CDK5RAP2: variants seen among roughly 807,000 people sequenced by gnomAD.
CDK5RAP2 encodes CDK5 regulatory subunit associated protein 2.
In CDK5RAP2, 147 loss-of-function variants were observed where a neutral mutation model predicts 232.9. That is an observed-to-expected ratio of 0.63 (90% CI 0.55 to 0.72). CDK5RAP2 has a LOEUF of 0.72. Among genes scored for constraint, CDK5RAP2 ranks in the 30% least tolerant of loss-of-function variants. The pLI is 0.00. For missense variants in CDK5RAP2, 2,195 were observed against 2,231.5 expected, an observed-to-expected ratio of 0.98 and a Z score of 0.33; for synonymous variants, 833 against 833.7, an observed-to-expected ratio of 1.00 and a Z score of 0.01.
chr9:120,546,133 T>C (rs1421206060), intron 4 of CDK5RAP2, among the ~76,000 whole-genome samples: 3 of 152,230 alleles, frequency 2.0e-5, no homozygotes, highest in African/African-American at 7.2e-5. Flanking sequence ...TTACAAGCAA[T>C]TCTGCGGTGT....
chr9:120,472,817 G>A (rs2037791950), intron 15 of CDK5RAP2, among the ~76,000 whole-genome samples: 2 of 152,212 alleles, frequency 1.3e-5, no homozygotes, highest in Admixed American at 1.3e-4. Flanking sequence ...TGATGGAAAT[G>A]TTCTATATCT....
chr9:120,552,582 C>T (rs886932626), intron 3 of CDK5RAP2, among the ~76,000 whole-genome samples: 13 of 151,312 alleles, frequency 8.6e-5, no homozygotes, highest in African/African-American at 2.9e-4. Context: ...TCTCAGCAAA[C>T]TATCGCAAGG....
intron 14 of CDK5RAP2, among the ~76,000 whole-genome samples, chr9:120,478,344 A>G (rs1432812709): frequency 6.6e-6 from 1 of 152,244 alleles, no homozygotes; most frequent in African/African-American, 2.4e-5. Flanking sequence ...AAAATGAGGA[A>G]GTGCTTATAG....
rs1265171655 is a variant in CDK5RAP2 at position 120,518,663 on chromosome 9, G to C, written c.1093-18C>G. The C allele has an allele frequency of 6.2e-7, 1 of 1,601,036 alleles. No homozygotes were observed. The highest frequency in any genetic ancestry group is 8.6e-7 in the Non-Finnish European group (1 of 1,168,450). On this transcript the variant is annotated intron_variant, in intron 11 of 37. Coordinates refer to ENST00000349780, the MANE Select transcript of CDK5RAP2 (RefSeq NM_018249.6). Reference sequence around the variant, plus strand: ...TCAGACCCCTAGAAGAGAAGGCAGAGAAGCAAGATGAGCTAATTTTCATAC... The same window carrying C: ...TCAGACCCCTAGAAGAGAAGGCAGACAAGCAAGATGAGCTAATTTTCATAC...
intron 23 of CDK5RAP2, among the ~76,000 whole-genome samples, chr9:120,442,057 T>C (rs1380287086): frequency 6.6e-6 from 1 of 152,212 alleles, no homozygotes; most frequent in Admixed American, 6.5e-5. Flanking sequence ...GAATTTGGTC[T>C]GTACTTCATG....
In CDK5RAP2 at chr9:120,520,647, A is replaced by AAT. The variant is rs200559827; in HGVS notation, c.1093-2004_1093-2003dup. On this transcript the variant is annotated intron_variant, in intron 11 of 37. Transcript: ENST00000349780. Reference sequence around the variant, plus strand: ...GACAGAGCAAGACTCTGTCTCAAAAAATATATATATATCTCTCTCTCATAT... The same window carrying AAT: ...GACAGAGCAAGACTCTGTCTCAAAAAATATATATATATATCTCTCTCTCATAT... Among the ~76,000 whole-genome samples, 441 of 152,056 alleles carry AAT rather than the reference A, an allele frequency of 2.9e-3. 1 individual carries two copies. Among genetic ancestry groups the AAT allele is most frequent in the East Asian group, 0.01 (54 of 5,176 alleles).
At chr9:120,401,917 G>T (rs2033052450) in intron 34 of CDK5RAP2, among the ~76,000 whole-genome samples, 1 of 151,982 alleles carries the variant, frequency 6.6e-6, no homozygotes, top group Admixed American at 6.6e-5. Flanking sequence ...CCAAGAGGAG[G>T]AGGCTGCAGT....
intron 12 of CDK5RAP2, among the ~76,000 whole-genome samples, chr9:120,511,590 C>CA (rs1281387737): frequency 6.6e-6 from 1 of 152,174 alleles, no homozygotes; most frequent in Non-Finnish European, 1.5e-5. Flanking sequence ...TCAGTGCCAG[C>CA]AAAAGCTGTC....
Position 120,458,570 on chromosome 9 carries a change from G to C in CDK5RAP2, c.2255C>G (p.Thr752Arg). Residue 752 changes from threonine (T) to arginine (R), a missense_variant, in exon 20 of 38, where the codon ACG becomes AGG. Physicochemically the swap from Thr to Arg is moderately conservative, Grantham distance 71 (BLOSUM62 -1). Transcript: ENST00000349780. ...ATCACAATCTGAAATCTTAGACTCCGTGTGCCTTAAGTATCCATTTTTGCA... is the reference window on the plus strand; with the variant it reads ...ATCACAATCTGAAATCTTAGACTCCCTGTGCCTTAAGTATCCATTTTTGCA... ...GGCKNGYLRH[T>R]ESKISDCDGA... The C allele has an allele frequency of 1.2e-6, 2 of 1,614,100 alleles. No individual in the cohort carries two copies. Among genetic ancestry groups the C allele is most frequent in the South Asian group, 1.1e-5 (1 of 91,086 alleles).
chr9:120,497,456 AATC>A (rs774551572), intron 12 of CDK5RAP2, among the ~76,000 whole-genome samples: 2 of 126,906 alleles, frequency 1.6e-5, no homozygotes, highest in Non-Finnish European at 3.6e-5. Context: ...AAAAAAAAAG[AATC>A]ATCAATGGAT....
At chr9:120,461,849 A>AAAAAC (rs1222760008) in intron 18 of CDK5RAP2, among the ~76,000 whole-genome samples, 1 of 152,244 alleles carries the variant, frequency 6.6e-6, no homozygotes, top group African/African-American at 2.4e-5. Context: ...TCTCGAAAGC[A>AAAAAC]AAAACAAAAC....
At chr9:120,461,828 G>A (rs1370791458) in intron 18 of CDK5RAP2, among the ~76,000 whole-genome samples, 1 of 152,234 alleles carries the variant, frequency 6.6e-6, no homozygotes, top group Non-Finnish European at 1.5e-5. Flanking sequence ...GGGCAACAGA[G>A]TAAGACCCTG....
chr9:120,453,690 A>G lies in CDK5RAP2; in HGVS notation c.2559T>C (p.Cys853=). ...CGCCTGCCTTTACTAGCTGGGCCTC[A>G]CAAGACAACTTCAGTTCATCATGTG... ...SKPHDELKLS[C]EAQLVKAGEV... The change falls in exon 21 of 38, where the codon TGT becomes TGC. Residue 853 remains cysteine, a synonymous_variant. Transcript: ENST00000349780. 1.9e-6 allele frequency: 3 copies of G among 1,614,208 alleles called. No homozygotes were observed. Among genetic ancestry groups the G allele is most frequent in the Non-Finnish European group, 2.5e-6 (3 of 1,180,032 alleles).
rs537919981 is a variant in CDK5RAP2 at position 120,432,169 on chromosome 9, G to A, written c.3955+5126C>T. The stretch of plus-strand genomic sequence containing the variant: ...GGAACAATCTGAATGTTCATCTAAT[G>A]GGGAATTATTAAATAAATTATGGTA... On this transcript the variant is annotated intron_variant, in intron 25 of 37. Coordinates refer to ENST00000349780, the MANE Select transcript of CDK5RAP2 (RefSeq NM_018249.6). Among the ~76,000 whole-genome samples, 4 of 152,276 alleles carry A rather than the reference G, an allele frequency of 2.6e-5. No homozygotes were observed. The South Asian group carries it at 8.3e-4, about 32-fold the overall frequency.
In CDK5RAP2 at chr9:120,407,712, A is replaced by T. The variant is rs541630252; in HGVS notation, c.4727-464T>A. The T allele has an allele frequency of 3.1e-4, 5 of 16,314 alleles. No homozygotes were observed. In the Admixed American group the frequency reaches 3.3e-3, roughly 11 times the overall value. 1.0% of individuals were successfully genotyped at this position (16,314 alleles called of 1,614,324 possible). ...AAACCATCTGGAAAATTAGTAAAAT[A>T]AAAAAAAAAAAAAAACACCTCACCA... On this transcript the variant is annotated intron_variant, in intron 31 of 37. Coordinates refer to ENST00000349780, the MANE Select transcript of CDK5RAP2 (RefSeq NM_018249.6).
At chr9:120,521,697 G>A (rs929022748) in intron 11 of CDK5RAP2, among the ~76,000 whole-genome samples, 10 of 146,168 alleles carry the variant, frequency 6.8e-5, no homozygotes, top group African/African-American at 2.3e-4. Context: ...CCAGGCTGGA[G>A]TGCAGTGGCG....
intron 5 of CDK5RAP2, among the ~76,000 whole-genome samples, chr9:120,539,467 C>T (rs565956353): frequency 6.6e-6 from 1 of 152,258 alleles, no homozygotes; most frequent in South Asian, 2.1e-4. Context: ...TAATATACTA[C>T]GAACATTCTT....
At chr9:120,568,434 C>T (rs1224455447) in intron 2 of CDK5RAP2, 46 bp from the exon 3 acceptor site, 1 of 1,321,870 alleles carries the variant, frequency 7.6e-7, no homozygotes, top group Admixed American at 1.7e-5. Flanking sequence ...ATGCAAACTG[C>T]CCAGTGTTCC....
chr9:120,528,044 G>T, intron 9 of CDK5RAP2, 119 bp from the exon 10 acceptor site: 1 of 1,364,384 alleles, frequency 7.3e-7, no homozygotes, highest in Non-Finnish European at 1.0e-6. Context: ...GTCAACCTGT[G>T]ATTAATGTTT....
Sources: allele counts gnomAD v4.1 joint callset (sites outside exome capture counted in the v4.1 genomes callset), GRCh38; gene constraint gnomAD v4.1.1; transcripts MANE v1.5; gene names NCBI Gene and HGNC (gene_info 2026-07-23, HGNC 2026-07-21).